The following NLN variants were observed in gnomAD, a reference collection of about 807,000 sequenced individuals.
The protein encoded by NLN is neurolysin.
In NLN, 64 loss-of-function variants were observed where a neutral mutation model predicts 79.9. The observed-to-expected ratio is 0.80, with a 90% confidence interval of 0.65 to 0.99. The LOEUF (loss-of-function observed/expected upper bound fraction) is 0.99. Ranked by LOEUF, NLN falls within the 50% of genes least tolerant of loss-of-function variation. The pLI, the probability that NLN is intolerant of heterozygous loss-of-function variation, is 0.00. For missense variants in NLN, 835 were observed against 858.7 expected (o/e 0.97, Z 0.34); for synonymous variants, 267 against 296.6 (o/e 0.90, Z 1.02).
Position 65,739,040 on chromosome 5 carries a change from TA to T in NLN, c.41+16632del, listed in dbSNP as rs1438361582. On this transcript the variant is annotated intron_variant, in intron 1 of 12. Transcript: ENST00000380985. ...TATATATAAATATATAATATATATA[TA>T]AAAAATATATATAAATTAGCCTGGC... 1.3e-4 allele frequency among the ~76,000 whole-genome samples: 13 copies of T among 98,132 alleles called. 2 individuals are homozygous for T. Among genetic ancestry groups the T allele is most frequent in the South Asian group, 2.9e-4 (1 of 3,484 alleles). 64.4% of individuals were successfully genotyped at this position (98,132 alleles called of 152,430 possible). A position where few individuals can be genotyped will look rare whatever the true frequency, so the allele number is the denominator to read the frequency against.
At chr5:65,765,504 G>A (rs1451297380) in intron 3 of NLN, among the ~76,000 whole-genome samples, 1 of 151,996 alleles carries the variant, frequency 6.6e-6, no homozygotes, top group Middle Eastern at 3.4e-3. Flanking sequence ...GGCAACAAGA[G>A]CAAAACTTCA....
chr5:65,729,904 A>G (rs1181504911), intron 1 of NLN, among the ~76,000 whole-genome samples: 2 of 152,226 alleles, frequency 1.3e-5, no homozygotes, highest in African/African-American at 4.8e-5. Context: ...GTAGCATCAT[A>G]GAGTCGACTA....
At chr5:65,785,708 CT>C in intron 6 of NLN, 66 bp from the exon 7 acceptor site, 1 of 1,272,642 alleles carries the variant, frequency 7.9e-7, no homozygotes, top group Admixed American at 1.8e-5. Context: ...TACAGTAATT[CT>C]TCCTTTTAGT....
chr5:65,744,712 A>G (rs1033264110), intron 1 of NLN, among the ~76,000 whole-genome samples: 6 of 152,152 alleles, frequency 3.9e-5, no homozygotes, highest in African/African-American at 1.4e-4. Context: ...CAGCCTGGCC[A>G]ACATGGTGAA....
At chr5:65,811,247 C>T (rs994891020) in intron 11 of NLN, among the ~76,000 whole-genome samples, 8 of 152,018 alleles carry the variant, frequency 5.3e-5, no homozygotes, top group Non-Finnish European at 8.8e-5. Context: ...AAGAATGGTC[C>T]GTTGAGTCAT....
At chr5:65,745,617 A>G (rs1343397217) in intron 1 of NLN, among the ~76,000 whole-genome samples, 1 of 152,224 alleles carries the variant, frequency 6.6e-6, no homozygotes, top group African/African-American at 2.4e-5. Flanking sequence ...AGGCCTGAGG[A>G]GAGCTTAACA....
intron 1 of NLN, among the ~76,000 whole-genome samples, chr5:65,739,022 AAATATAT>A: frequency 7.0e-6 from 1 of 142,280 alleles, no homozygotes; most frequent in Non-Finnish European, 1.5e-5. Context: ...TTATATATAT[AAATATAT>A]AATATATATA....
chr5:65,731,742 CTTTTT>C (rs761722243), intron 1 of NLN, among the ~76,000 whole-genome samples: 9 of 62,010 alleles, frequency 1.5e-4, no homozygotes, highest in South Asian at 6.0e-4. Context: ...CCTACATTTT[CTTTTT>C]TTTTTTTTTT....
chr5:65,797,406 C>T (rs1260563921), intron 9 of NLN, among the ~76,000 whole-genome samples: 2 of 152,180 alleles, frequency 1.3e-5, no homozygotes, highest in Non-Finnish European at 2.9e-5. Context: ...AATAAAGCAG[C>T]TTGTCTGCTC....
intron 1 of NLN, among the ~76,000 whole-genome samples, chr5:65,740,628 A>C (rs916496982): frequency 6.6e-6 from 1 of 151,898 alleles, no homozygotes; most frequent in African/African-American, 2.4e-5. Context: ...ATTCGACTGC[A>C]TGTGAATCTC....
At chr5:65,742,527 G>A (rs572611711) in intron 1 of NLN, among the ~76,000 whole-genome samples, 6 of 152,218 alleles carry the variant, frequency 3.9e-5, no homozygotes, top group East Asian at 3.9e-4. Context: ...CATATTTAGC[G>A]TAGTTCTTCT....
At chr5:65,748,502 G>A (rs539461281) in intron 1 of NLN, among the ~76,000 whole-genome samples, 1 of 152,046 alleles carries the variant, frequency 6.6e-6, no homozygotes, top group South Asian at 2.1e-4. Flanking sequence ...GCTCATGCCT[G>A]TAATCCCAGC....
chr5:65,722,552 A>C, intron 1 of NLN, 138 bp downstream of exon 1: 2 of 788,424 alleles, frequency 2.5e-6, no homozygotes, highest in African/African-American at 1.8e-5. Flanking sequence ...GCGGCTTGCA[A>C]GGTGGACCCC....
chr5:65,763,224 T>A, intron 3 of NLN, 116 bp downstream of exon 3: 1 of 848,522 alleles, frequency 1.2e-6, no homozygotes. Context: ...CGAATGATTA[T>A]AAAACCATAA....
intron 1 of NLN, among the ~76,000 whole-genome samples, chr5:65,742,125 T>A (rs1019188057): frequency 4.6e-5 from 7 of 152,094 alleles, no homozygotes; most frequent in Non-Finnish European, 5.9e-5. Flanking sequence ...AAAAAGAAAA[T>A]TTTGAAGAGT....
intron 1 of NLN, among the ~76,000 whole-genome samples, chr5:65,756,611 T>A (rs937309002): frequency 1.3e-5 from 2 of 152,190 alleles, no homozygotes; most frequent in African/African-American, 4.8e-5. Context: ...TCTATGGCTC[T>A]CGAATTGCCT....
At chr5:65,787,907 A>G (rs62370060) in intron 7 of NLN, among the ~76,000 whole-genome samples, 2,971 of 152,292 alleles carry the variant, frequency 0.02, 39 homozygotes, top group Non-Finnish European at 0.033. Context: ...CTAGGACCAT[A>G]AAATCAATAA....
intron 1 of NLN, among the ~76,000 whole-genome samples, chr5:65,735,055 A>G (rs1161549130): frequency 6.6e-6 from 1 of 152,098 alleles, no homozygotes; most frequent in Non-Finnish European, 1.5e-5. Context: ...TCCCCACCCA[A>G]ATTGAATCAT....
At chr5:65,726,924 G>A (rs1049519839) in intron 1 of NLN, among the ~76,000 whole-genome samples, 3 of 152,144 alleles carry the variant, frequency 2.0e-5, no homozygotes, top group Non-Finnish European at 4.4e-5. Context: ...TTAGTGTTAT[G>A]GAGTAACTAG....
Sources: gnomAD v4.1 joint callset for allele counts (sites outside exome capture counted in the v4.1 genomes callset) on GRCh38, gnomAD v4.1.1 for gene constraint, MANE v1.5 for transcripts, NCBI Gene and HGNC (gene_info 2026-07-23, HGNC 2026-07-21) for gene names.